Variants in SRBD1 observed in about 807,000 individuals in gnomAD.
SRBD1 encodes the protein S1 RNA-binding domain-containing protein 1.
In SRBD1, 88 loss-of-function variants were observed where a neutral mutation model predicts 115.3. The observed-to-expected ratio is 0.76, with a 90% CI of 0.64 to 0.91. SRBD1 has a LOEUF of 0.91. Among genes scored for constraint, SRBD1 ranks in the 40% least tolerant of loss-of-function variants. The probability of loss-of-function intolerance (pLI) is 0.00; values close to 1 mark genes in which losing one functional copy is unlikely to be tolerated. For missense variants in SRBD1, 1,385 were observed against 1,177.4 expected, an observed-to-expected ratio of 1.18 and a Z score of -2.58; for synonymous variants, 509 against 407.7, an observed-to-expected ratio of 1.25 and a Z score of -2.99.
rs141132446 is a variant in SRBD1, at chr2:45,505,936, G to C, written c.1875-17605C>G. ...CACTGGTTTTCCCAATAATAAGAAA[G>C]CTTTGGAGGCTTTTAAAAGTTGTTT... is the stretch of plus-strand genomic sequence containing the variant. On this transcript the variant is annotated intron_variant, in intron 14 of 20. Transcript: ENST00000263736. Among the ~76,000 whole-genome samples the C allele has an allele frequency of 4.7e-3, 714 of 152,260 alleles. 8 individuals are homozygous for C. Among genetic ancestry groups the C allele is most frequent in the African/African-American group, 0.016 (669 of 41,550 alleles).
chr2:45,507,460 G>A (rs2103913109), intron 14 of SRBD1, among the ~76,000 whole-genome samples: 1 of 152,206 alleles, frequency 6.6e-6, no homozygotes, highest in Admixed American at 6.5e-5. Flanking sequence ...GCTCACGTCT[G>A]TAATCCTTGT....
At chr2:45,599,877 A>G (rs1388276343) in intron 3 of SRBD1, 42 bp from the exon 4 acceptor site, 1 of 1,552,928 alleles carries the variant, frequency 6.4e-7, no homozygotes, top group Non-Finnish European at 8.7e-7. Context: ...TAGAAGATAA[A>G]AAGCAATTTC....
chr2:45,602,425 G>C (rs1218341100), intron 2 of SRBD1, among the ~76,000 whole-genome samples: 2 of 152,146 alleles, frequency 1.3e-5, no homozygotes, highest in Non-Finnish European at 2.9e-5. Context: ...GTCAATGTGA[G>C]CTTTTCAATT....
intron 9 of SRBD1, among the ~76,000 whole-genome samples, chr2:45,567,278 T>C (rs1262463620): frequency 6.6e-6 from 1 of 152,184 alleles, no homozygotes; most frequent in Admixed American, 6.5e-5. Context: ...GAGAAATTTC[T>C]AAAGTAAACA....
chr2:45,429,330 A>T (rs1027218101), intron 16 of SRBD1, among the ~76,000 whole-genome samples: 1 of 152,188 alleles, frequency 6.6e-6, no homozygotes, highest in African/African-American at 2.4e-5. Flanking sequence ...AAAACCTGGC[A>T]GAAACAACAA....
chr2:45,499,847 G>A (rs1387291162), intron 14 of SRBD1, among the ~76,000 whole-genome samples: 1 of 150,570 alleles, frequency 6.6e-6, no homozygotes, highest in East Asian at 1.9e-4. Flanking sequence ...CTGTTCCATT[G>A]GTCTATGTGT....
Position 45,562,759 on chromosome 2 carries a change from G to A in SRBD1, c.1306-3C>T, listed in dbSNP as rs1389488468. ...TCTCCACGGTTAATTGCCAGAATCT[G>A]AGTGCAAACATAAGGCAAAGACTAA... On this transcript the variant is annotated splice_region_variant and splice_polypyrimidine_tract_variant and intron_variant, in intron 9 of 20. Transcript: ENST00000263736. 1.3e-6 allele frequency: 2 copies of A among 1,599,288 alleles called. No individual in the cohort carries two copies. The highest frequency in any genetic ancestry group is 1.7e-6 in the Non-Finnish European group (2 of 1,173,110).
chr2:45,449,931 T>C (rs3770261), intron 16 of SRBD1, among the ~76,000 whole-genome samples: 69,469 of 151,982 alleles, frequency 0.46, 17,046 homozygotes, highest in Non-Finnish European at 0.57. Context: ...TCTGGGTCTA[T>C]AGTCATTGTA....
chr2:45,517,765 CAG>C (rs946692598), intron 14 of SRBD1, among the ~76,000 whole-genome samples: 1 of 152,112 alleles, frequency 6.6e-6, no homozygotes, highest in Non-Finnish European at 1.5e-5. Flanking sequence ...AAGGCCAAGA[CAG>C]GGGGATAGTT....
At chr2:45,396,720 G>T (rs1488493520) in intron 19 of SRBD1, among the ~76,000 whole-genome samples, 3 of 152,118 alleles carry the variant, frequency 2.0e-5, no homozygotes, top group Non-Finnish European at 2.9e-5. Flanking sequence ...GTCTTGTAAG[G>T]CTTTTCCCAA....
At chr2:45,392,009 G>A (rs1667017907) in intron 20 of SRBD1, among the ~76,000 whole-genome samples, 2 of 152,232 alleles carry the variant, frequency 1.3e-5, no homozygotes, top group African/African-American at 4.8e-5. Context: ...GCCTCCAAAT[G>A]GAGATGGATT....
chr2:45,419,013 T>C (rs1366447225), intron 17 of SRBD1, among the ~76,000 whole-genome samples: 1 of 152,234 alleles, frequency 6.6e-6, no homozygotes, highest in Non-Finnish European at 1.5e-5. Flanking sequence ...CCCTTATCTA[T>C]AATTGTCATG....
chr2:45,421,270 G>A (rs1033205054), intron 16 of SRBD1, among the ~76,000 whole-genome samples: 2 of 151,938 alleles, frequency 1.3e-5, no homozygotes, highest in African/African-American at 4.8e-5. Flanking sequence ...CACTTTGGGA[G>A]GCCGAGGTGG....
intron 16 of SRBD1, among the ~76,000 whole-genome samples, chr2:45,463,663 A>C (rs567143221): frequency 6.6e-6 from 1 of 152,228 alleles, no homozygotes; most frequent in Non-Finnish European, 1.5e-5. Flanking sequence ...TAAACATTAC[A>C]TCCAAGATTG....
At chr2:45,434,495 T>A (rs924908911) in intron 16 of SRBD1, among the ~76,000 whole-genome samples, 1 of 152,202 alleles carries the variant, frequency 6.6e-6, no homozygotes, top group Non-Finnish European at 1.5e-5. Flanking sequence ...TGCAGAGAAA[T>A]AAAGTCAGTT....
intron 4 of SRBD1, among the ~76,000 whole-genome samples, chr2:45,590,865 A>G (rs977377571): frequency 6.6e-6 from 1 of 152,056 alleles, no homozygotes; most frequent in Non-Finnish European, 1.5e-5. Flanking sequence ...AAAAATACAA[A>G]AATTAGCTGG....
At chr2:45,401,715 G>C (rs1667296521) in intron 19 of SRBD1, among the ~76,000 whole-genome samples, 1 of 152,292 alleles carries the variant, frequency 6.6e-6, no homozygotes, top group South Asian at 2.1e-4. Context: ...ATGTAGGGAG[G>C]TGTGTTAGAC....
chr2:45,510,774 T>C (rs1235595288), intron 14 of SRBD1, among the ~76,000 whole-genome samples: 1 of 152,232 alleles, frequency 6.6e-6, no homozygotes, highest in Non-Finnish European at 1.5e-5. Context: ...GTCGGGCCTT[T>C]TAACAGTACA....
rs1176268523 is a variant in SRBD1, at chr2:45,578,295, C to CTA, written c.1072+1578_1072+1579dup. ...CACTGTGGTTAACCTTAATGCTTAG[C>CTA]TATAGTCTTAGCTATTATTAAAATA... On this transcript the variant is annotated intron_variant, in intron 7 of 20. Coordinates refer to ENST00000263736, the MANE Select transcript of SRBD1 (RefSeq NM_018079.5). 3.9e-5 allele frequency among the ~76,000 whole-genome samples: 6 copies of CTA among 152,312 alleles called. No individual in the cohort carries two copies. The East Asian group carries it at 5.8e-4, about 15-fold the overall frequency.
Sources: allele counts gnomAD v4.1 joint callset (sites outside exome capture counted in the v4.1 genomes callset), GRCh38; gene constraint gnomAD v4.1.1; transcripts MANE v1.5; gene names NCBI Gene and HGNC (gene_info 2026-07-23, HGNC 2026-07-21).